The following DBT variants were observed in gnomAD, a reference collection of about 807,000 sequenced individuals.
DBT encodes lipoamide acyltransferase component of branched-chain alpha-keto acid dehydrogenase complex, mitochondrial.
In DBT, 40 loss-of-function variants were observed where a neutral mutation model predicts 51.3. That is an observed-to-expected ratio of 0.78 (90% confidence interval 0.61 to 1.02). The LOEUF (loss-of-function observed/expected upper bound fraction) is 1.02, where lower values mean the gene tolerates loss of function less well. Among genes scored for constraint, DBT ranks in the 50% least tolerant of loss-of-function variants. DBT has a pLI of 0.00. For synonymous variants in DBT, 181 were observed against 190.4 expected (o/e 0.95, Z 0.41); for missense variants, 510 against 580.2 (o/e 0.88, Z 1.24).
chr1:100,228,227 T>C (rs984699872), intron 4 of DBT, among the ~76,000 whole-genome samples: 22 of 152,074 alleles, frequency 1.4e-4, no homozygotes, highest in African/African-American at 5.3e-4. Context: ...AACACCACAA[T>C]GCAACAAGAC....
chr1:100,232,723 C>A (rs983689819), intron 3 of DBT, among the ~76,000 whole-genome samples: 1 of 152,142 alleles, frequency 6.6e-6, no homozygotes, highest in Admixed American at 6.5e-5. Flanking sequence ...CTCACCTCAG[C>A]CTCCCAAGTA....
intron 8 of DBT, among the ~76,000 whole-genome samples, chr1:100,210,343 G>GAAT (rs1270217076): frequency 5.5e-5 from 8 of 146,378 alleles, no homozygotes; most frequent in Non-Finnish European, 7.5e-5. Context: ...AGAAGAAGAA[G>GAAT]AAGAATAAGA....
At chr1:100,218,913 C>A (rs1471179963) in intron 4 of DBT, among the ~76,000 whole-genome samples, 166 bp from the exon 5 acceptor site, 1 of 129,822 alleles carries the variant, frequency 7.7e-6, no homozygotes, top group Non-Finnish European at 1.6e-5. Flanking sequence ...ACACAACTAT[C>A]CTAATGGTAT....
chr1:100,203,881 G>A (rs1661598111), intron 10 of DBT, among the ~76,000 whole-genome samples: 2 of 152,060 alleles, frequency 1.3e-5, no homozygotes, highest in Non-Finnish European at 2.9e-5. Context: ...TGCAGAAAAG[G>A]CCTTGGATAA....
chr1:100,223,578 C>T (rs1159744476), intron 4 of DBT, among the ~76,000 whole-genome samples: 1 of 152,110 alleles, frequency 6.6e-6, no homozygotes, highest in Non-Finnish European at 1.5e-5. Context: ...GCGATCCTCC[C>T]ACCTCAGCCT....
At position 100,206,793 on chromosome 1, in the gene DBT, G is replaced by T. The variant is rs114413482; in HGVS notation, c.1018-157C>A. ...AATAATTTAAAAATAATTTTTAAAA[G>T]ATTTTTTGGGCTAGGCGCAGTGGCT... On this transcript the variant is annotated intron_variant, in intron 8 of 10. Coordinates refer to ENST00000370132, the MANE Select transcript of DBT (RefSeq NM_001918.5). Among the ~76,000 whole-genome samples, 1,773 of 152,264 alleles carry T rather than the reference G, an allele frequency of 0.012. 39 individuals are homozygous for T. Among genetic ancestry groups the T allele is most frequent in the African/African-American group, 0.041 (1,703 of 41,546 alleles).
intron 4 of DBT, 104 bp downstream of exon 4, chr1:100,230,629 G>GAAAAAAAAAAAA: frequency 1.9e-6 from 1 of 534,318 alleles, no homozygotes; most frequent in Non-Finnish European, 3.1e-6. Flanking sequence ...AATAGGAATA[G>GAAAAAAAAAAAA]AAAAAAAAAA....
At chr1:100,223,403 CTCTG>C (rs1340190896) in intron 4 of DBT, among the ~76,000 whole-genome samples, 1 of 152,144 alleles carries the variant, frequency 6.6e-6, no homozygotes, top group Non-Finnish European at 1.5e-5. Flanking sequence ...ACAGGGTTTC[CTCTG>C]TCTGAGTAGC....
At chr1:100,238,364 A>C (rs1570844188) in intron 2 of DBT, among the ~76,000 whole-genome samples, 1 of 104,756 alleles carries the variant, frequency 9.5e-6, no homozygotes, top group African/African-American at 3.7e-5. Flanking sequence ...GTCCTGTCTC[A>C]TCACGTCCCT....
intron 4 of DBT, among the ~76,000 whole-genome samples, chr1:100,220,341 A>C (rs982039127): frequency 1.3e-5 from 2 of 152,226 alleles, no homozygotes; most frequent in Admixed American, 1.3e-4. Flanking sequence ...ATGTATACAT[A>C]TAGCAGAATC....
Position 100,225,052 on chromosome 1 carries a change from T to TATACACAC in DBT, c.433+5680_433+5681insGTGTGTAT, listed in dbSNP as rs1185819980. On this transcript the variant is annotated intron_variant, in intron 4 of 10. Coordinates refer to ENST00000370132, the MANE Select transcript of DBT (RefSeq NM_001918.5). ...AAAAAAAAAAAAAAAAATATATATATACACACACACACACACACACACACA... is the reference window on the plus strand; with the variant it reads ...AAAAAAAAAAAAAAAAATATATATATATACACACACACACACACACACACACACACACA... Among the ~76,000 whole-genome samples the TATACACAC allele has an allele frequency of 3.4e-4, 27 of 79,054 alleles. 1 individual carries two copies. The highest frequency in any genetic ancestry group is 1.2e-3 in the African/African-American group (24 of 19,932). 51.9% of individuals were successfully genotyped at this position (79,054 alleles called of 152,430 possible).
intron 1 of DBT, among the ~76,000 whole-genome samples, chr1:100,246,409 T>G (rs975424642): frequency 6.6e-6 from 1 of 152,188 alleles, no homozygotes; most frequent in East Asian, 1.9e-4. Context: ...AAGTCAGACA[T>G]TGTACTGGAC....
Position 100,215,803 on chromosome 1 carries a change from C to G in DBT, c.772+180G>C, listed in dbSNP as rs1252928324. ...TGCCACTGCACTACAGTCTGGACAACAAGAACAAAACTCCATCTCAAAAAA... is the reference window on the plus strand; with the variant it reads ...TGCCACTGCACTACAGTCTGGACAAGAAGAACAAAACTCCATCTCAAAAAA... On this transcript the variant is annotated intron_variant, in intron 6 of 10. Transcript: ENST00000370132. Among the ~76,000 whole-genome samples the G allele has an allele frequency of 2.0e-5, 3 of 151,876 alleles. No individual in the cohort carries two copies. The East Asian group carries it at 5.8e-4, about 29-fold the overall frequency.
intron 2 of DBT, among the ~76,000 whole-genome samples, chr1:100,236,828 A>C (rs1663893671): frequency 6.6e-6 from 1 of 152,220 alleles, no homozygotes; most frequent in African/African-American, 2.4e-5. Flanking sequence ...CAAGAGCATG[A>C]AAATGTGATG....
At chr1:100,222,780 C>G (rs184805106) in intron 4 of DBT, among the ~76,000 whole-genome samples, 1 of 152,176 alleles carries the variant, frequency 6.6e-6, no homozygotes, top group Non-Finnish European at 1.5e-5. Flanking sequence ...CATGGTACCT[C>G]TCAGTTAGGT....
Position 100,196,425 on chromosome 1 carries a change from A to G in DBT, c.1282-3T>C. 1 of 764,910 alleles carries G rather than the reference A, an allele frequency of 1.3e-6. No homozygotes were observed. The highest frequency in any genetic ancestry group is 1.9e-6 in the Non-Finnish European group (1 of 531,672). The allele number at this position is 764,910 out of a possible 1,614,324, so 47.4% of individuals were successfully genotyped here. A position where few individuals can be genotyped will look rare whatever the true frequency, so the allele number is the denominator to read the frequency against. On this transcript the variant is annotated splice_region_variant and splice_polypyrimidine_tract_variant and intron_variant, in intron 10 of 10. Coordinates refer to ENST00000370132, the MANE Select transcript of DBT (RefSeq NM_001918.5). ...TTCTGGTTAAATCGGGGAATGGCCT[A>G]GAAATGAAAAAAAAAAAAAAAAAAA...
intron 1 of DBT, among the ~76,000 whole-genome samples, chr1:100,247,797 G>A (rs943539427): frequency 6.6e-6 from 1 of 151,192 alleles, no homozygotes; most frequent in Non-Finnish European, 1.5e-5. Context: ...CAGACACTGT[G>A]AGAAGACTAA....
In DBT at chr1:100,213,606, G is replaced by A; in HGVS notation, c.939+1211C>T. On this transcript the variant is annotated intron_variant, in intron 7 of 10. Transcript: ENST00000370132. ...CTGGCCATCATCCTGTTCCCCTTTG[G>A]GTTCATTTGCTGTTTTGCCTTGAGG... is the stretch of plus-strand genomic sequence containing the variant. 5 of 1,599,822 alleles carry A rather than the reference G, an allele frequency of 3.1e-6. No homozygotes were observed. In the South Asian group the frequency reaches 4.4e-5, roughly 14 times the overall value.
chr1:100,216,700 G>A (rs1557949408), intron 5 of DBT, among the ~76,000 whole-genome samples: 1 of 152,188 alleles, frequency 6.6e-6, no homozygotes, highest in Non-Finnish European at 1.5e-5. Flanking sequence ...GAAACTAAAT[G>A]CTATACCAAA....
Sources: gnomAD v4.1 joint callset for allele counts (sites outside exome capture counted in the v4.1 genomes callset) on GRCh38, gnomAD v4.1.1 for gene constraint, MANE v1.5 for transcripts, NCBI Gene and HGNC (gene_info 2026-07-23, HGNC 2026-07-21) for gene names.